Variants in KCNIP1 observed in about 807,000 individuals in gnomAD.
KCNIP1 encodes A-type potassium channel modulatory protein KCNIP1.
In KCNIP1, 18 loss-of-function variants were observed where a neutral mutation model predicts 33.0. That is an observed-to-expected ratio of 0.55 (90% CI 0.38 to 0.81). KCNIP1 has a LOEUF of 0.81. Among genes scored for constraint, KCNIP1 ranks in the 30% least tolerant of loss-of-function variants. The pLI, the probability that KCNIP1 is intolerant of heterozygous loss-of-function variation, is 0.00. For missense variants in KCNIP1, 238 were observed against 271.6 expected, an observed-to-expected ratio of 0.88 and a Z score of 0.87; for synonymous variants, 93 against 98.3, an observed-to-expected ratio of 0.95 and a Z score of 0.32.
intron 2 of KCNIP1, among the ~76,000 whole-genome samples, chr5:170,719,578 G>A (rs145039900): frequency 5.7e-4 from 86 of 152,142 alleles, no homozygotes; most frequent in Middle Eastern, 3.4e-3. Flanking sequence ...GGGCTACAGC[G>A]ACATGCACCT....
intron 1 of KCNIP1, among the ~76,000 whole-genome samples, chr5:170,597,290 A>G (rs11739238): frequency 0.98 from 149,712 of 152,288 alleles, 73,648 homozygotes; most frequent in Middle Eastern, 1. Context: ...TGTGACAAAT[A>G]AAGGGACTGA....
chr5:170,570,855 T>G (rs975832864), intron 1 of KCNIP1, among the ~76,000 whole-genome samples: 10 of 152,216 alleles, frequency 6.6e-5, no homozygotes, highest in Non-Finnish European at 1.5e-4. Flanking sequence ...AAAATCAGCT[T>G]ACCTTTATTA....
At chr5:170,576,609 G>A (rs1433764768) in intron 1 of KCNIP1, among the ~76,000 whole-genome samples, 1 of 152,222 alleles carries the variant, frequency 6.6e-6, no homozygotes, top group Non-Finnish European at 1.5e-5. Context: ...TGATTTATTA[G>A]CCACTCGGAC....
intron 1 of KCNIP1, among the ~76,000 whole-genome samples, chr5:170,662,975 T>C (rs906065344): frequency 6.6e-6 from 1 of 152,228 alleles, no homozygotes; most frequent in African/African-American, 2.4e-5. Flanking sequence ...ATAGGTGCTC[T>C]TCTCTTTTTC....
In KCNIP1 at chr5:170,452,591, T is replaced by G. The variant is rs924477850; in HGVS notation, c.88+98627T>G. On this transcript the variant is annotated intron_variant, in intron 1 of 7. Transcript: ENST00000377360. ...TTCAGGCCAAGCTGACATCCATGGC[T>G]GTAAAATTGTCACCCTTCTCCTTTG... Among the ~76,000 whole-genome samples, 3 of 152,336 alleles carry G rather than the reference T, an allele frequency of 2.0e-5. No individual in the cohort carries two copies. The South Asian group carries it at 6.2e-4, about 32-fold the overall frequency.
At chr5:170,364,657 C>T (rs963453881) in intron 1 of KCNIP1, among the ~76,000 whole-genome samples, 9 of 152,196 alleles carry the variant, frequency 5.9e-5, no homozygotes, top group Admixed American at 2.0e-4. Context: ...CCTGCGGTTG[C>T]CGTCCCTCCT....
intron 1 of KCNIP1, among the ~76,000 whole-genome samples, chr5:170,379,479 A>C (rs1052562234): frequency 6.6e-6 from 1 of 152,168 alleles, no homozygotes; most frequent in African/African-American, 2.4e-5. Context: ...TGAAGCAGGC[A>C]AAGCAATGAG....
chr5:170,574,324 T>C (rs905968098), intron 1 of KCNIP1, among the ~76,000 whole-genome samples: 2 of 152,206 alleles, frequency 1.3e-5, no homozygotes, highest in African/African-American at 4.8e-5. Flanking sequence ...CCCAAAACAC[T>C]TGTAACACTA....
At chr5:170,454,677 A>G (rs1756332424) in intron 1 of KCNIP1, among the ~76,000 whole-genome samples, 1 of 152,258 alleles carries the variant, frequency 6.6e-6, no homozygotes, top group Non-Finnish European at 1.5e-5. Context: ...AAAAATGAGT[A>G]GGAAGTTGGA....
chr5:170,385,243 C>T, intron 1 of KCNIP1: 1 of 1,556,986 alleles, frequency 6.4e-7, no homozygotes, highest in Non-Finnish European at 8.8e-7. Context: ...GAGTAGAAGG[C>T]CAGGGTTCCT....
At chr5:170,523,089 G>A (rs950360257) in intron 1 of KCNIP1, among the ~76,000 whole-genome samples, 1 of 152,224 alleles carries the variant, frequency 6.6e-6, no homozygotes, top group Non-Finnish European at 1.5e-5. Flanking sequence ...GGCTGTGGGA[G>A]ATGGTGGAAG....
intron 1 of KCNIP1, among the ~76,000 whole-genome samples, chr5:170,648,043 A>T (rs1760862270): frequency 6.6e-6 from 1 of 152,204 alleles, no homozygotes; most frequent in Non-Finnish European, 1.5e-5. Flanking sequence ...CACATATGTC[A>T]TTAGGGAATT....
intron 1 of KCNIP1, among the ~76,000 whole-genome samples, chr5:170,530,735 T>C (rs1246381141): frequency 6.6e-6 from 1 of 152,250 alleles, no homozygotes; most frequent in Non-Finnish European, 1.5e-5. Context: ...GGGACCTGCC[T>C]GAGGCTTGAT....
rs536593321 is a variant in KCNIP1 at position 170,679,764 on chromosome 5, A to G, written c.62-38994A>G. ...AATAGTATATTTTTAGTATCTTTCC[A>G]GGAAAAGATACATGGATGTGCCACA... On this transcript the variant is annotated intron_variant, in intron 1 of 7. Transcript: ENST00000328939. Among the ~76,000 whole-genome samples, 87 of 151,510 alleles carry G rather than the reference A, an allele frequency of 5.7e-4. 3 individuals are homozygous for G. In the South Asian group the frequency reaches 0.018, roughly 31 times the overall value.
intron 1 of KCNIP1, among the ~76,000 whole-genome samples, chr5:170,433,517 G>A (rs1755791454): frequency 6.6e-6 from 1 of 152,130 alleles, no homozygotes; most frequent in South Asian, 2.1e-4. Flanking sequence ...CTTTATGGTT[G>A]AACCACTGAA....
chr5:170,579,923 C>G (rs1204560990), intron 1 of KCNIP1, among the ~76,000 whole-genome samples: 3 of 151,974 alleles, frequency 2.0e-5, no homozygotes, highest in Non-Finnish European at 2.9e-5. Context: ...ACATACTTTG[C>G]CTTAAATCAG....
intron 1 of KCNIP1, among the ~76,000 whole-genome samples, chr5:170,421,404 C>T (rs1162577093): frequency 6.6e-6 from 1 of 152,210 alleles, no homozygotes; most frequent in African/African-American, 2.4e-5. Flanking sequence ...AACCTTTCTT[C>T]TGTCTTGGCC....
intron 1 of KCNIP1, chr5:170,678,361 A>C (rs1762219045): frequency 6.6e-6 from 1 of 152,210 alleles, no homozygotes. Flanking sequence ...CACCATTTCT[A>C]GGAAATAGTA....
chr5:170,527,895 G>A (rs1043488216), intron 1 of KCNIP1, among the ~76,000 whole-genome samples: 9 of 151,868 alleles, frequency 5.9e-5, no homozygotes, highest in African/African-American at 9.7e-5. Flanking sequence ...TTGGGGGGAC[G>A]CACTTAAATT....
Sources: gnomAD v4.1 joint callset for allele counts (sites outside exome capture counted in the v4.1 genomes callset) on GRCh38, gnomAD v4.1.1 for gene constraint, MANE v1.5 for transcripts, NCBI Gene and HGNC (gene_info 2026-07-23, HGNC 2026-07-21) for gene names.